Variants in ANKRD17 observed in about 807,000 individuals in gnomAD.
ANKRD17 encodes ankyrin repeat domain-containing protein 17.
Under a neutral mutation model 229.7 loss-of-function variants are expected in ANKRD17, and 19 were observed. The ratio of observed to expected loss-of-function variants is 0.08; its 90% CI spans 0.06 to 0.12. The LOEUF (loss-of-function observed/expected upper bound fraction) is 0.12. Ranked by LOEUF, ANKRD17 falls within the 10% of genes least tolerant of loss-of-function variation. The pLI, the probability that ANKRD17 is intolerant of heterozygous loss-of-function variation, is 1.00. For synonymous variants in ANKRD17, 1,112 were observed against 1,146.1 expected (o/e 0.97, Z 0.60); for missense variants, 2,176 against 3,176.8 (o/e 0.68, Z 7.57).
At chr4:73,123,722 T>A (rs969688270) in intron 18 of ANKRD17, among the ~76,000 whole-genome samples, 1 of 152,040 alleles carries the variant, frequency 6.6e-6, no homozygotes, top group Non-Finnish European at 1.5e-5. Context: ...ATTAAAATTG[T>A]TTATTTATTA....
At chr4:73,246,952 C>A in intron 1 of ANKRD17, among the ~76,000 whole-genome samples, 1 of 152,016 alleles carries the variant, frequency 6.6e-6, no homozygotes, top group East Asian at 1.9e-4. Context: ...AGGAAGTTCT[C>A]CAGAAGTCAT....
intron 24 of ANKRD17, among the ~76,000 whole-genome samples, chr4:73,104,411 C>G (rs565674787): frequency 1.3e-5 from 2 of 152,234 alleles, no homozygotes; most frequent in East Asian, 3.9e-4. Context: ...CTTGTTCTGT[C>G]TAGCTTTGAT....
rs1483255199 is a variant in ANKRD17, at chr4:73,218,144, A to C, written c.393+40132T>G. 2.0e-5 allele frequency among the ~76,000 whole-genome samples: 3 copies of C among 152,354 alleles called. No homozygotes were observed. In the East Asian group the frequency reaches 5.8e-4, roughly 29 times the overall value. On this transcript the variant is annotated intron_variant, in intron 1 of 33. Transcript: ENST00000358602. The stretch of plus-strand genomic sequence containing the variant: ...CACATTCATAAATACATATAACAAA[A>C]AGATTTGCATAAAAGTGACAACATA...
At chr4:73,088,180 A>G (rs2110142025) in intron 29 of ANKRD17, among the ~76,000 whole-genome samples, 1 of 152,362 alleles carries the variant, frequency 6.6e-6, no homozygotes, top group South Asian at 2.1e-4. Flanking sequence ...TAATCAAATT[A>G]TTTACATAAG....
chr4:73,238,891 A>T (rs1743757194), intron 1 of ANKRD17, among the ~76,000 whole-genome samples: 1 of 152,138 alleles, frequency 6.6e-6, no homozygotes, highest in African/African-American at 2.4e-5. Context: ...CAAGTTACTT[A>T]TTCTTTACCT....
chr4:73,238,731 A>G (rs1232399275), intron 1 of ANKRD17, among the ~76,000 whole-genome samples: 2 of 152,138 alleles, frequency 1.3e-5, no homozygotes, highest in Non-Finnish European at 2.9e-5. Flanking sequence ...GAACTCTACA[A>G]TGCATACAAA....
intron 29 of ANKRD17, 110 bp from the exon 30 acceptor site, chr4:73,085,556 A>G: frequency 1.0e-6 from 1 of 1,002,330 alleles, no homozygotes; most frequent in Non-Finnish European, 1.4e-6. Flanking sequence ...TTAGATAATT[A>G]AAAAAATCCC....
intron 1 of ANKRD17, among the ~76,000 whole-genome samples, chr4:73,227,310 C>A (rs1034904238): frequency 1.3e-5 from 2 of 152,054 alleles, no homozygotes; most frequent in African/African-American, 4.8e-5. Flanking sequence ...CCCACCACCA[C>A]GCCTGGCTCA....
chr4:73,220,289 T>TAG (rs1178563444), intron 1 of ANKRD17, among the ~76,000 whole-genome samples: 1 of 152,102 alleles, frequency 6.6e-6, no homozygotes, highest in African/African-American at 2.4e-5. Flanking sequence ...TCCTGAGTAT[T>TAG]AGTTCCTTTT....
intron 20 of ANKRD17, 77 bp downstream of exon 20, chr4:73,120,804 A>C (rs1726633360): frequency 4.7e-6 from 6 of 1,282,726 alleles, no homozygotes; most frequent in Non-Finnish European, 6.4e-6. Context: ...AACTAAAATT[A>C]TAATCAACAT....
At chr4:73,133,389 GTT>G (rs1232065955) in intron 16 of ANKRD17, among the ~76,000 whole-genome samples, 4 of 123,196 alleles carry the variant, frequency 3.2e-5, no homozygotes, top group Non-Finnish European at 3.3e-5. Flanking sequence ...AATGTCTCGT[GTT>G]TTTTTTTTTT....
At chr4:73,087,154 T>G (rs911887408) in intron 29 of ANKRD17, among the ~76,000 whole-genome samples, 1 of 151,124 alleles carries the variant, frequency 6.6e-6, no homozygotes, top group South Asian at 2.1e-4. Context: ...CTGTTGCTCA[T>G]AGCTCACCCC....
chr4:73,236,480 A>AT (rs1051870538), intron 1 of ANKRD17, among the ~76,000 whole-genome samples: 10 of 152,252 alleles, frequency 6.6e-5, no homozygotes, highest in African/African-American at 2.4e-4. Context: ...TAAGGTTCAT[A>AT]TTGTATGGTT....
intron 15 of ANKRD17, among the ~76,000 whole-genome samples, chr4:73,137,141 A>G (rs1361078472): frequency 6.6e-6 from 1 of 152,090 alleles, no homozygotes; most frequent in Non-Finnish European, 1.5e-5. Context: ...CTCTACAACT[A>G]AAAGAAACAA....
At position 73,258,578 on chromosome 4, in the gene ANKRD17, C is replaced by CG; in HGVS notation, c.90dup (p.Ala31ArgfsTer47). 3.4e-6 allele frequency: 5 copies of CG among 1,459,874 alleles called. No homozygotes were observed. The highest frequency in any genetic ancestry group is 5.2e-5 in the Admixed American group (2 of 38,170). 90.4% of individuals were successfully genotyped at this position (1,459,874 alleles called of 1,614,324 possible). The stretch of plus-strand genomic sequence containing the variant: ...ACGCCGCCGCCGACCTCCGCCGCCG[C>CG]GGGGGGGCCCGCCACAGCCGCCACC... On this transcript the variant is annotated frameshift_variant, in exon 1 of 34. Transcript: ENST00000358602. LOFTEE classifies it high-confidence loss of function.
chr4:73,103,009 T>C (rs1724194952), intron 24 of ANKRD17, among the ~76,000 whole-genome samples: 1 of 152,088 alleles, frequency 6.6e-6, no homozygotes, highest in South Asian at 2.1e-4. Flanking sequence ...ACTTATTATA[T>C]AAAATGTCTA....
chr4:73,145,292 C>T (rs1730122471), intron 10 of ANKRD17, among the ~76,000 whole-genome samples: 2 of 152,100 alleles, frequency 1.3e-5, no homozygotes, highest in South Asian at 2.1e-4. Context: ...TTAGTAAGTA[C>T]ATCATTACCA....
chr4:73,194,099 CA>C (rs1288904562), intron 1 of ANKRD17, among the ~76,000 whole-genome samples: 4 of 152,182 alleles, frequency 2.6e-5, no homozygotes, highest in South Asian at 2.1e-4. Flanking sequence ...TTCTGAAGAA[CA>C]AAAGTTTTTA....
At position 73,189,608 on chromosome 4, in the gene ANKRD17, G is replaced by A. The variant is rs142088653; in HGVS notation, c.394-12075C>T. 3.5e-3 allele frequency among the ~76,000 whole-genome samples: 539 copies of A among 152,162 alleles called. 3 individuals carry two copies. Among genetic ancestry groups the A allele is most frequent in the African/African-American group, 0.012 (510 of 41,518 alleles). ...CCCAAAGTGCTGGCATTACAGGCGT[G>A]AGCCATCGCACTCAGCTGTCTGGAA... On this transcript the variant is annotated intron_variant, in intron 1 of 33. Transcript: ENST00000358602.
Sources: gnomAD v4.1 joint callset for allele counts (sites outside exome capture counted in the v4.1 genomes callset) on GRCh38, gnomAD v4.1.1 for gene constraint, MANE v1.5 for transcripts, NCBI Gene and HGNC (gene_info 2026-07-23, HGNC 2026-07-21) for gene names.